ZNF521: variants seen among roughly 807,000 people sequenced by gnomAD.
ZNF521 encodes the protein LYST-interacting protein 3.
In ZNF521, 14 loss-of-function variants were observed where a neutral mutation model predicts 105.5. The ratio of observed to expected loss-of-function variants is 0.13; its 90% confidence interval spans 0.09 to 0.21. The LOEUF is 0.21. ZNF521 is among the 10% of genes least tolerant of loss of function. The pLI is 1.00. For synonymous variants in ZNF521, 635 were observed against 606.0 expected (o/e 1.05, Z -0.70); for missense variants, 1,233 against 1,629.7 (o/e 0.76, Z 4.19).
At chr18:25,305,800 T>C (rs1321661064) in intron 3 of ZNF521, among the ~76,000 whole-genome samples, 1 of 152,218 alleles carries the variant, frequency 6.6e-6, no homozygotes, top group Non-Finnish European at 1.5e-5. Flanking sequence ...CTGACTCATG[T>C]GAGTTACTCT....
intron 5 of ZNF521, among the ~76,000 whole-genome samples, chr18:25,103,369 A>G (rs28421507): frequency 1.2e-3 from 185 of 152,270 alleles, no homozygotes; most frequent in African/African-American, 4.2e-3. Context: ...ATAATTACTC[A>G]AAAACAAACA....
chr18:25,330,631 T>C (rs941597574), intron 2 of ZNF521, among the ~76,000 whole-genome samples: 1 of 152,210 alleles, frequency 6.6e-6, no homozygotes, highest in Non-Finnish European at 1.5e-5. Context: ...AAAAGAGACA[T>C]TGATTCTAAT....
At chr18:25,157,448 T>A (rs1224776042) in intron 5 of ZNF521, among the ~76,000 whole-genome samples, 4 of 152,188 alleles carry the variant, frequency 2.6e-5, no homozygotes, top group Admixed American at 2.6e-4. Flanking sequence ...TTAAGAGTGT[T>A]CTTTTACTTT....
intron 3 of ZNF521, among the ~76,000 whole-genome samples, chr18:25,229,334 A>C (rs1906381769): frequency 6.7e-6 from 1 of 149,672 alleles, no homozygotes; most frequent in Non-Finnish European, 1.5e-5. Context: ...ACAACCAAAC[A>C]CCATTCCTGG....
intron 4 of ZNF521, among the ~76,000 whole-genome samples, chr18:25,215,812 G>A (rs978834134): frequency 2.0e-5 from 3 of 152,242 alleles, no homozygotes; most frequent in Admixed American, 6.5e-5. Flanking sequence ...GTGGATGCAA[G>A]GCACCTGCTC....
At chr18:25,283,738 A>G (rs1013710814) in intron 3 of ZNF521, among the ~76,000 whole-genome samples, 5 of 152,234 alleles carry the variant, frequency 3.3e-5, no homozygotes, top group Non-Finnish European at 7.3e-5. Context: ...TTCAAAAGCA[A>G]AAGATCTGAA....
At chr18:25,216,219 T>C (rs1370317745) in intron 4 of ZNF521, among the ~76,000 whole-genome samples, 1 of 152,190 alleles carries the variant, frequency 6.6e-6, no homozygotes. Flanking sequence ...CTCTGAATTG[T>C]CATCATGCAC....
chr18:25,258,220 T>C (rs904102544), intron 3 of ZNF521, among the ~76,000 whole-genome samples: 2 of 152,206 alleles, frequency 1.3e-5, no homozygotes, highest in African/African-American at 4.8e-5. Flanking sequence ...TTGTTTCACA[T>C]TTAGTAGCTG....
chr18:25,333,544 T>C (rs1233071914), intron 2 of ZNF521, among the ~76,000 whole-genome samples: 1 of 152,036 alleles, frequency 6.6e-6, no homozygotes, highest in African/African-American at 2.4e-5. Flanking sequence ...ACATCCTGTC[T>C]CTGAAATACC....
chr18:25,155,071 A>T (rs1047567996), intron 5 of ZNF521, among the ~76,000 whole-genome samples: 3 of 152,132 alleles, frequency 2.0e-5, no homozygotes, highest in Non-Finnish European at 4.4e-5. Context: ...GTCGTTTAGT[A>T]ATTGCTATCC....
At chr18:25,272,769 G>C (rs1479148734) in intron 3 of ZNF521, among the ~76,000 whole-genome samples, 2 of 152,136 alleles carry the variant, frequency 1.3e-5, no homozygotes, top group Non-Finnish European at 2.9e-5. Flanking sequence ...TTGTGGGTTG[G>C]GGGGTTGGGG....
rs751223883 is a variant in ZNF521, at chr18:25,188,889, G to A, written c.3658+6271C>T. On this transcript the variant is annotated intron_variant, in intron 5 of 7. Coordinates refer to ENST00000361524, the MANE Select transcript of ZNF521 (RefSeq NM_015461.3). The stretch of plus-strand genomic sequence containing the variant: ...ACTGAATCTTCGATCTATGGCCTCA[G>A]CCACAATCCTCAGCCTCACAGAAAA... Among the ~76,000 whole-genome samples, 67 of 152,222 alleles carry A rather than the reference G, an allele frequency of 4.4e-4. 1 individual carries two copies. Among genetic ancestry groups the A allele is most frequent in the South Asian group, 8.3e-4 (4 of 4,830 alleles).
intron 4 of ZNF521, 81 bp downstream of exon 4, chr18:25,224,264 A>C (rs1435589788): frequency 7.8e-7 from 1 of 1,274,826 alleles, no homozygotes; most frequent in Non-Finnish European, 1.1e-6. Context: ...GACAATAAAT[A>C]AAGCTGTGGA....
At chr18:25,266,562 T>C (rs917461388) in intron 3 of ZNF521, among the ~76,000 whole-genome samples, 3 of 152,236 alleles carry the variant, frequency 2.0e-5, no homozygotes, top group Middle Eastern at 3.4e-3. Flanking sequence ...GTTCATCTCA[T>C]TGGGACTGCT....
chr18:25,256,933 G>A (rs961644499), intron 3 of ZNF521, among the ~76,000 whole-genome samples: 1 of 152,022 alleles, frequency 6.6e-6, no homozygotes, highest in African/African-American at 2.4e-5. Flanking sequence ...AGACGGCCAT[G>A]GCAAAAAATA....
At chr18:25,261,581 T>C (rs2144895795) in intron 3 of ZNF521, among the ~76,000 whole-genome samples, 1 of 152,208 alleles carries the variant, frequency 6.6e-6, no homozygotes. Flanking sequence ...GATTTCCTCC[T>C]CCTCTCCCTC....
intron 5 of ZNF521, among the ~76,000 whole-genome samples, chr18:25,158,368 C>G (rs1323920817): frequency 6.6e-6 from 1 of 151,908 alleles, no homozygotes; most frequent in Non-Finnish European, 1.5e-5. Flanking sequence ...AATGTACCAC[C>G]TCTTACAGTT....
intron 3 of ZNF521, among the ~76,000 whole-genome samples, chr18:25,293,554 A>G (rs1911159414): frequency 6.6e-6 from 1 of 152,302 alleles, no homozygotes; most frequent in East Asian, 1.9e-4. Context: ...CAACAAAATT[A>G]TTATTTCCAA....
chr18:25,268,909 G>A (rs1379956635), intron 3 of ZNF521, among the ~76,000 whole-genome samples: 2 of 152,070 alleles, frequency 1.3e-5, no homozygotes, highest in Admixed American at 6.5e-5. Flanking sequence ...ATAATGGCAG[G>A]ATCAAATTCA....
Sources: gnomAD v4.1 joint callset for allele counts (sites outside exome capture counted in the v4.1 genomes callset) on GRCh38, gnomAD v4.1.1 for gene constraint, MANE v1.5 for transcripts, NCBI Gene and HGNC (gene_info 2026-07-23, HGNC 2026-07-21) for gene names.